The following MYH14 variants were observed in gnomAD, a reference collection of about 807,000 sequenced individuals.
MYH14 encodes the protein myosin heavy chain 14, also known as myosin-14.
In MYH14, 123 loss-of-function variants were observed where a neutral mutation model predicts 255.5. That is an observed-to-expected ratio of 0.48 (90% CI 0.42 to 0.56). MYH14 has a LOEUF of 0.56. Ranked by LOEUF, MYH14 falls within the 20% of genes least tolerant of loss-of-function variation. MYH14 has a pLI of 0.00. For synonymous variants in MYH14, 1,095 were observed against 1,161.2 expected, an observed-to-expected ratio of 0.94 and a Z score of 1.16; for missense variants, 2,423 against 2,802.3, an observed-to-expected ratio of 0.86 and a Z score of 3.06.
chr19:50,274,749 T>C (rs2035443374), intron 27 of MYH14, among the ~76,000 whole-genome samples: 1 of 152,132 alleles, frequency 6.6e-6, no homozygotes, highest in Non-Finnish European at 1.5e-5. Context: ...GGCAATATAA[T>C]GAGACCCTGT....
intron 39 of MYH14, among the ~76,000 whole-genome samples, chr19:50,297,263 C>T (rs961786345): frequency 4.0e-5 from 6 of 151,840 alleles, no homozygotes; most frequent in Non-Finnish European, 8.8e-5. Flanking sequence ...GGATTACAGA[C>T]GTGAGCCACC....
At chr19:50,255,541 T>A (rs184269422) in intron 17 of MYH14, among the ~76,000 whole-genome samples, 1 of 152,198 alleles carries the variant, frequency 6.6e-6, no homozygotes, top group African/African-American at 2.4e-5. Flanking sequence ...ACAAGCGTGA[T>A]AGTACCAGCT....
chr19:50,289,315 A>G (rs1376079903), intron 34 of MYH14, 121 bp from the exon 35 acceptor site: 1 of 788,044 alleles, frequency 1.3e-6, no homozygotes, highest in Non-Finnish European at 2.1e-6. Context: ...TGAACAAACT[A>G]GGATGGGCAC....
At chr19:50,227,132 G>A (rs2123219075) in intron 8 of MYH14, among the ~76,000 whole-genome samples, 166 bp downstream of exon 8, 1 of 152,166 alleles carries the variant, frequency 6.6e-6, no homozygotes, top group South Asian at 2.1e-4. Context: ...GACTTCTGGT[G>A]TGTATGAGGC....
rs2033999686 is a variant in MYH14, at chr19:50,244,149, C to G, written c.1115-93C>G. On this transcript the variant is annotated intron_variant, in intron 10 of 42. Transcript: ENST00000642316. ...AGCTGAGGGGTGGTGATATAATTTG[C>G]CTTAAGCTTTTTAAGTTACATGTTT... The G allele has an allele frequency of 2.8e-6, 3 of 1,075,836 alleles. No individual in the cohort carries two copies. The Admixed American group carries it at 5.8e-5, about 21-fold the overall frequency. The allele number at this position is 1,075,836 out of a possible 1,614,324, so 66.6% of individuals were successfully genotyped here. A position where few individuals can be genotyped will look rare whatever the true frequency, so the allele number is the denominator to read the frequency against.
chr19:50,272,814 GGGTACAAACCCCAGT>G, intron 27 of MYH14, 83 bp downstream of exon 27: 1 of 1,399,946 alleles, frequency 7.1e-7, no homozygotes, highest in Non-Finnish European at 9.7e-7. Context: ...AGAAGCTCCT[GGGTACAAACCCCAGT>G]GGAGCCACTC....
At chr19:50,309,507 C>T in intron 42 of MYH14, 133 bp from the exon 43 acceptor site, 2 of 685,746 alleles carry the variant, frequency 2.9e-6, no homozygotes, top group Non-Finnish European at 5.1e-6. Flanking sequence ...TCTCATCCCT[C>T]TCTTCCCCCT....
intron 10 of MYH14, among the ~76,000 whole-genome samples, 159 bp downstream of exon 10, chr19:50,232,229 T>TGCTTC (rs2033435362): frequency 6.6e-6 from 1 of 152,212 alleles, no homozygotes. Context: ...CAGACATCTC[T>TGCTTC]GCCTTGAGGA....
intron 4 of MYH14, 35 bp from the exon 5 acceptor site, chr19:50,223,212 G>A (rs1465299798): frequency 1.2e-6 from 2 of 1,610,494 alleles, no homozygotes; most frequent in Non-Finnish European, 1.7e-6. Context: ...TGAGGTCATT[G>A]CCAACCCCTT....
intron 1 of MYH14, among the ~76,000 whole-genome samples, chr19:50,207,570 C>T (rs1312063249): frequency 6.6e-6 from 1 of 152,046 alleles, no homozygotes; most frequent in Non-Finnish European, 1.5e-5. Flanking sequence ...CAGGCCCACT[C>T]GGGGCGGAGT....
At position 50,276,962 on chromosome 19, in the gene MYH14, G is replaced by A; in HGVS notation, c.3825+61G>A. 1.5e-6 allele frequency: 2 copies of A among 1,350,616 alleles called. No individual in the cohort carries two copies. The highest frequency in any genetic ancestry group is 2.0e-6 in the Non-Finnish European group (2 of 976,976). The allele number at this position is 1,350,616 out of a possible 1,614,324, so 83.7% of individuals were successfully genotyped here. ...CGGGGAGGGCAGGGCAGGACGCGGG[G>A]TTGGAGGAGGTACCGCTGGCTGGTT... On this transcript the variant is annotated intron_variant, in intron 29 of 42. Coordinates refer to ENST00000642316, the MANE Select transcript of MYH14 (RefSeq NM_001145809.2). The surrounding 1 kb of genome is among the most constrained non-coding windows in gnomAD (Gnocchi z 4.3).
chr19:50,264,083 AGGT>A (rs2034993638), intron 22 of MYH14, among the ~76,000 whole-genome samples: 1 of 114,662 alleles, frequency 8.7e-6, no homozygotes, highest in African/African-American at 3.3e-5. Context: ...AAAAGAGCAA[AGGT>A]TAAAAAAAAA....
chr19:50,264,348 A>C (rs1381591313), intron 22 of MYH14, among the ~76,000 whole-genome samples: 3 of 152,110 alleles, frequency 2.0e-5, no homozygotes, highest in Non-Finnish European at 4.4e-5. Context: ...CCAGAGTCAA[A>C]CTGATGCCAT....
In MYH14 at chr19:50,289,438, G is replaced by A. The variant is rs746095774; in HGVS notation, c.4755G>A (p.Val1585=). ...LSSKDDVGKS[V]HELERACRVA... is the part of the protein sequence containing the mutation. The stretch of plus-strand genomic sequence containing the variant: ...CCAGCAGCTACTCTCCCCACCAGGT[G>A]CATGAGCTGGAACGAGCCTGCCGGG... The change falls in exon 35 of 43, where the codon GTG becomes GTA. Residue 1585 remains valine (V), a splice_region_variant and synonymous_variant. Coordinates refer to ENST00000642316, the MANE Select transcript of MYH14 (RefSeq NM_001145809.2). 5 of 1,605,892 alleles carry A rather than the reference G, an allele frequency of 3.1e-6. No homozygotes were observed. The Admixed American group carries it at 8.5e-5, about 27-fold the overall frequency.
rs954954263 is a variant in MYH14, at chr19:50,272,183, C to T, written c.3295+211C>T. ...TCTCCTTGGTGTCTTGGGTTGTCCTCCTTTCTTCCCATCTGACTGTCCCAC... is the reference window on the plus strand; with the variant it reads ...TCTCCTTGGTGTCTTGGGTTGTCCTTCTTTCTTCCCATCTGACTGTCCCAC... On this transcript the variant is annotated intron_variant, in intron 26 of 42. Transcript: ENST00000642316. Among the ~76,000 whole-genome samples the T allele has an allele frequency of 5.3e-5, 8 of 152,180 alleles. 1 individual carries two copies. The highest frequency in any genetic ancestry group is 1.9e-4 in the African/African-American group (8 of 41,432).
chr19:50,271,467 A>C lies in MYH14; in HGVS notation c.3092A>C (p.Lys1031Thr). Residue 1031 changes from lysine to threonine, a missense_variant, in exon 25 of 43, where the codon AAG (lysine) becomes ACG (threonine). Around this residue, in one of 3 missense-constraint regions of MYH14, gnomAD observed 1,513 missense variants for 1,674.8 expected, o/e 0.90. Transcript: ENST00000642316. ...EGARQKLQLE[K>T]VTTEAKMKKF... ...GCGCGGCAGAAGCTGCAGCTGGAGA[A>C]GGTGACGACAGAGGCAAAAATGAAG... 1.9e-6 allele frequency: 3 copies of C among 1,608,288 alleles called. No individual in the cohort carries two copies. In the African/African-American group the frequency reaches 4.0e-5, roughly 21 times the overall value.
intron 33 of MYH14, among the ~76,000 whole-genome samples, chr19:50,284,592 A>G (rs1568538472): frequency 6.6e-6 from 1 of 150,674 alleles, no homozygotes; most frequent in Admixed American, 6.6e-5. Flanking sequence ...GGGTTTCACT[A>G]TGTTGGCCAG....
Position 50,309,054 on chromosome 19 carries a change from A to T in MYH14, c.5837A>T (p.Glu1946Val), listed in dbSNP as rs375536249. Residue 1946 changes from glutamate to valine, a missense_variant, in exon 42 of 43, where the codon GAG (glutamate) becomes GTG (valine). By Grantham distance (121) the Glu-to-Val change is moderately radical (BLOSUM62 -2). This residue lies in a region of MYH14 where 1,513 missense variants were observed against 1,674.8 expected (regional missense o/e 0.90). Transcript: ENST00000642316. ...RVKQLKRQLE[E>V]AEEEASRAQA... is the part of the protein sequence containing the mutation. Reference sequence around the variant, plus strand: ...AAGCAGCTGAAGCGGCAGCTGGAGGAGGCCGAGGAGGAGGCATCCCGGGCT... The same window carrying T: ...AAGCAGCTGAAGCGGCAGCTGGAGGTGGCCGAGGAGGAGGCATCCCGGGCT... 5.6e-6 allele frequency: 9 copies of T among 1,613,552 alleles called. No individual in the cohort carries two copies. Among genetic ancestry groups the T allele is most frequent in the Non-Finnish European group, 7.6e-6 (9 of 1,179,766 alleles).
intron 33 of MYH14, among the ~76,000 whole-genome samples, chr19:50,283,222 C>T (rs979279200): frequency 6.6e-6 from 1 of 151,934 alleles, no homozygotes; most frequent in Non-Finnish European, 1.5e-5. Flanking sequence ...CAGGTTCAAG[C>T]GATTCTCGTG....
Sources: gnomAD v4.1 joint callset for allele counts (sites outside exome capture counted in the v4.1 genomes callset) on GRCh38, gnomAD v4.1.1 for gene constraint, gnomAD v4.1.1 regional missense constraint, Gnocchi (gnomAD v3.1) non-coding constraint, MANE v1.5 for transcripts, NCBI Gene and HGNC (gene_info 2026-07-23, HGNC 2026-07-21) for gene names.